Variants in SHISAL2A observed in about 807,000 individuals in gnomAD.
SHISAL2A encodes the protein protein shisa-like-2A.
SHISAL2A carries 18 observed loss-of-function variants against 11.5 expected under a neutral mutation model. That is an observed-to-expected ratio of 1.57 (90% CI 1.08 to 2.33). SHISAL2A has a LOEUF of 2.33. Among genes scored for constraint, SHISAL2A ranks in the 30% most tolerant of loss-of-function variants. The pLI is 0.00. For synonymous variants in SHISAL2A, 94 were observed against 99.6 expected, an observed-to-expected ratio of 0.94 and a Z score of 0.34; for missense variants, 261 against 250.9, an observed-to-expected ratio of 1.04 and a Z score of -0.27.
At chr1:52,661,489 G>A (rs1024816812), downstream of SHISAL2A, among the ~76,000 whole-genome samples, 6 of 151,886 alleles carry the variant, frequency 4.0e-5, no homozygotes, top group Non-Finnish European at 5.9e-5. Context: ...TGTTGGCTCA[G>A]GGGCCAGGGC....
At chr1:52,658,700 G>A (rs934233344), downstream of SHISAL2A, among the ~76,000 whole-genome samples, 4 of 152,184 alleles carry the variant, frequency 2.6e-5, no homozygotes, top group African/African-American at 9.7e-5. Flanking sequence ...GGAATCTTAG[G>A]GCAAGATGCT....
intron 1 of SHISAL2A, 59 bp from the exon 2 acceptor site, chr1:52,642,804 A>C: frequency 6.5e-7 from 1 of 1,548,906 alleles, no homozygotes; most frequent in South Asian, 1.1e-5. Context: ...CACTTTTATA[A>C]CATCTGTCTC....
intron 2 of SHISAL2A, among the ~76,000 whole-genome samples, chr1:52,650,413 C>T (rs370603861): frequency 6.6e-6 from 1 of 152,098 alleles, no homozygotes; most frequent in Non-Finnish European, 1.5e-5. Context: ...CAGTGTGTGG[C>T]CTTAAGCAAG....
intron 2 of SHISAL2A, among the ~76,000 whole-genome samples, chr1:52,649,371 A>G (rs1691574418): frequency 1.3e-5 from 2 of 152,284 alleles, no homozygotes; most frequent in African/African-American, 2.4e-5. Context: ...TGCGATGTCA[A>G]CCCAGATCTC....
chr1:52,656,430 G>A (rs1233760199), intron 2 of SHISAL2A, among the ~76,000 whole-genome samples: 1 of 151,416 alleles, frequency 6.6e-6, no homozygotes, highest in African/African-American at 2.4e-5. Context: ...AACAATCTAT[G>A]TTTTAAAAAT....
At chr1:52,649,904 G>C (rs1691589261) in intron 2 of SHISAL2A, among the ~76,000 whole-genome samples, 1 of 152,162 alleles carries the variant, frequency 6.6e-6, no homozygotes. Flanking sequence ...TCATCAACTA[G>C]AACTCAAAAG....
At chr1:52,644,816 G>A (rs1375836957) in intron 2 of SHISAL2A, among the ~76,000 whole-genome samples, 6 of 152,020 alleles carry the variant, frequency 3.9e-5, no homozygotes, top group Non-Finnish European at 7.4e-5. Context: ...AGGAGATCGA[G>A]ACCATCCTGG....
intron 1 of SHISAL2A, among the ~76,000 whole-genome samples, chr1:52,642,509 T>C (rs1454636082): frequency 6.6e-6 from 1 of 150,482 alleles, no homozygotes; most frequent in East Asian, 2.0e-4. Context: ...CACTGCAACC[T>C]CCGCCTCCCG....
downstream of SHISAL2A, among the ~76,000 whole-genome samples, chr1:52,661,061 G>C (rs1691898524): frequency 6.6e-6 from 1 of 152,218 alleles, no homozygotes; most frequent in South Asian, 2.1e-4. Flanking sequence ...AGACCATATG[G>C]TTCTTTCAGG....
chr1:52,647,030 C>T (rs1296237833), intron 2 of SHISAL2A, among the ~76,000 whole-genome samples: 2 of 151,974 alleles, frequency 1.3e-5, no homozygotes, highest in East Asian at 1.9e-4. Flanking sequence ...CACAGAGTTT[C>T]GTTATATTGG....
chr1:52,643,391 G>A (rs965491442), intron 2 of SHISAL2A, among the ~76,000 whole-genome samples: 1 of 152,118 alleles, frequency 6.6e-6, no homozygotes, highest in Non-Finnish European at 1.5e-5. Flanking sequence ...AAATACAAGC[G>A]CTTTTATTGT....
At chr1:52,642,734 T>G (rs1691394641) in intron 1 of SHISAL2A, 129 bp from the exon 2 acceptor site, 4 of 1,030,092 alleles carry the variant, frequency 3.9e-6, no homozygotes, top group Non-Finnish European at 5.7e-6. Flanking sequence ...TAAAATTTTT[T>G]TTAAATATTT....
chr1:52,635,985 C>T (rs1208803219), intron 1 of SHISAL2A, among the ~76,000 whole-genome samples: 2 of 152,244 alleles, frequency 1.3e-5, no homozygotes, highest in South Asian at 4.1e-4. Context: ...GGCACTTTCA[C>T]AACATTCACC....
intron 2 of SHISAL2A, among the ~76,000 whole-genome samples, chr1:52,650,636 T>TA (rs1691614048): frequency 7.0e-6 from 1 of 142,108 alleles, no homozygotes; most frequent in African/African-American, 2.5e-5. Context: ...TTCTTTTTTT[T>TA]AAAACCCTTT....
chr1:52,654,411 A>C (rs184020722), intron 2 of SHISAL2A, among the ~76,000 whole-genome samples: 5 of 152,342 alleles, frequency 3.3e-5, no homozygotes, highest in Non-Finnish European at 7.3e-5. Context: ...TAGCAACAAT[A>C]ATAAACAGTA....
At chr1:52,649,885 C>T (rs1420606801) in intron 2 of SHISAL2A, among the ~76,000 whole-genome samples, 1 of 152,164 alleles carries the variant, frequency 6.6e-6, no homozygotes, top group African/African-American at 2.4e-5. Context: ...GGTCATTAGT[C>T]AGCCATTCTC....
At chr1:52,637,323 G>A (rs549662523) in intron 1 of SHISAL2A, among the ~76,000 whole-genome samples, 1 of 152,338 alleles carries the variant, frequency 6.6e-6, no homozygotes, top group East Asian at 1.9e-4. Context: ...CTTCCGGCAT[G>A]CTCCTAACAG....
chr1:52,667,995 CG>C (rs2149898405), intron 5 of SHISAL2A, among the ~76,000 whole-genome samples: 1 of 152,208 alleles, frequency 6.6e-6, no homozygotes, highest in East Asian at 1.9e-4. Context: ...ATGGTCACCC[CG>C]GGAGTAAATG....
chr1:52,633,138 C>G (rs1022011499), upstream of SHISAL2A, among the ~76,000 whole-genome samples: 3 of 152,198 alleles, frequency 2.0e-5, no homozygotes, highest in Admixed American at 2.0e-4. The surrounding 1 kb of genome is among the most constrained non-coding windows in gnomAD (Gnocchi z 6.4). Context: ...GCAGGGGGAG[C>G]GCAGTGGGGA....
Sources: gnomAD v4.1 joint callset for allele counts (sites outside exome capture counted in the v4.1 genomes callset) on GRCh38, gnomAD v4.1.1 for gene constraint, Gnocchi (gnomAD v3.1) non-coding constraint, MANE v1.5 for transcripts, NCBI Gene and HGNC (gene_info 2026-07-23, HGNC 2026-07-21) for gene names.